Variants in PDK1 observed in about 807,000 individuals in gnomAD.
PDK1 encodes the protein [Pyruvate dehydrogenase (acetyl-transferring)] kinase isozyme 1, mitochondrial.
PDK1 carries 39 observed loss-of-function variants against 54.2 expected under a neutral mutation model. The ratio of observed to expected loss-of-function variants is 0.72; its 90% CI spans 0.56 to 0.94. The LOEUF is 0.94. Ranked by LOEUF, PDK1 falls within the 40% of genes least tolerant of loss-of-function variation. The pLI is 0.00. For missense variants in PDK1, 552 were observed against 566.0 expected (o/e 0.98, Z 0.25); for synonymous variants, 221 against 207.1 (o/e 1.07, Z -0.58).
At chr2:172,623,167 C>T in the PDK1 span, among the ~76,000 whole-genome samples, 78 of 151,724 alleles carry the variant, frequency 5.1e-4, no homozygotes, top group African/African-American at 1.7e-3. Context: ...AAGAATTTGT[C>T]TCAAAAACAA....
the PDK1 span, among the ~76,000 whole-genome samples, chr2:172,631,065 A>G: frequency 1.3e-5 from 2 of 152,238 alleles, no homozygotes; most frequent in African/African-American, 2.4e-5. Flanking sequence ...TCATCTTTAT[A>G]TATAGGTTGA....
chr2:172,695,943 T>C, the PDK1 span, among the ~76,000 whole-genome samples: 28,769 of 151,828 alleles, frequency 0.19, 3,315 homozygotes, highest in African/African-American at 0.32. Context: ...GAGGCTGAGA[T>C]GGGTGGATCA....
the PDK1 span, among the ~76,000 whole-genome samples, chr2:172,628,344 G>A: frequency 2.0e-5 from 3 of 152,126 alleles, no homozygotes; most frequent in South Asian, 2.1e-4. Context: ...TCACGGTGCC[G>A]GGCTAATAGA....
At chr2:172,650,749 G>A in the PDK1 span, among the ~76,000 whole-genome samples, 1 of 152,176 alleles carries the variant, frequency 6.6e-6, no homozygotes, top group Non-Finnish European at 1.5e-5. Context: ...ATTACATGAT[G>A]ATAAAGGGAT....
the PDK1 span, among the ~76,000 whole-genome samples, chr2:172,634,309 G>A: frequency 1.6e-4 from 7 of 44,724 alleles, no homozygotes; most frequent in African/African-American, 3.7e-4. Flanking sequence ...GTCTCGCTCT[G>A]TCGCCCAGGC....
At chr2:172,578,188 C>A (rs989177732) in intron 8 of PDK1, among the ~76,000 whole-genome samples, 4 of 152,200 alleles carry the variant, frequency 2.6e-5, no homozygotes, top group South Asian at 2.1e-4. Flanking sequence ...GAGAAATCAG[C>A]TGTTACAATC....
rs1022400282 is a variant in PDK1 at position 172,599,543 on chromosome 2, A to C, written c.*3574A>C. On this transcript the variant is annotated 3_prime_UTR_variant, in exon 11 of 11. Transcript: ENST00000282077. ...GAGGAACTTTTAATCATGTCTTATTAATTTCTGGTCCCAATAATTAATTTT... is the reference window on the plus strand; with the variant it reads ...GAGGAACTTTTAATCATGTCTTATTCATTTCTGGTCCCAATAATTAATTTT... 2.6e-5 allele frequency: 4 copies of C among 152,136 alleles called. No homozygotes were observed. Among genetic ancestry groups the C allele is most frequent in the African/African-American group, 9.7e-5 (4 of 41,442 alleles). 9.4% of individuals were successfully genotyped at this position (152,136 alleles called of 1,614,324 possible). A position where few individuals can be genotyped will look rare whatever the true frequency, so the allele number is the denominator to read the frequency against.
chr2:172,629,422 CAG>C, the PDK1 span, among the ~76,000 whole-genome samples: 6 of 152,168 alleles, frequency 3.9e-5, no homozygotes, highest in African/African-American at 1.4e-4. Flanking sequence ...AGCTGGACGT[CAG>C]AGAGAAGCAG....
the PDK1 span, among the ~76,000 whole-genome samples, chr2:172,662,006 G>C: frequency 2.0e-5 from 3 of 152,156 alleles, no homozygotes; most frequent in African/African-American, 7.2e-5. Context: ...TGTTAATGCA[G>C]ATTATACATG....
chr2:172,704,685 A>T, the PDK1 span, among the ~76,000 whole-genome samples: 1 of 152,184 alleles, frequency 6.6e-6, no homozygotes, highest in Non-Finnish European at 1.5e-5. Context: ...TTTAGCACGT[A>T]CCCACCTGAT....
chr2:172,690,863 G>C, the PDK1 span, among the ~76,000 whole-genome samples: 2 of 144,846 alleles, frequency 1.4e-5, no homozygotes, highest in African/African-American at 2.5e-5. Flanking sequence ...GGGGTGGGGA[G>C]CTGGGGGAGG....
chr2:172,678,350 G>T, the PDK1 span, among the ~76,000 whole-genome samples: 3 of 151,766 alleles, frequency 2.0e-5, no homozygotes, highest in Non-Finnish European at 4.4e-5. Context: ...CAAATTACAG[G>T]CATATTATTT....
At chr2:172,719,986 T>C in the PDK1 span, among the ~76,000 whole-genome samples, 1 of 152,214 alleles carries the variant, frequency 6.6e-6, no homozygotes, top group Non-Finnish European at 1.5e-5. Context: ...ACAATATATA[T>C]GATTGGAAAT....
At chr2:172,641,441 A>T in the PDK1 span, among the ~76,000 whole-genome samples, 237 of 119,552 alleles carry the variant, frequency 2.0e-3, no homozygotes, top group African/African-American at 6.8e-3. Flanking sequence ...TAACTTGTCC[A>T]TTTTTTTTTT....
intron 8 of PDK1, among the ~76,000 whole-genome samples, chr2:172,571,823 C>CGTTTTTTTTTTTTTTTTTTTTTTTTTT (rs765005051): frequency 9.0e-5 from 9 of 99,784 alleles, no homozygotes; most frequent in African/African-American, 1.2e-4. Flanking sequence ...TCTTTCTTTA[C>CGTTTTTTTTTTTTTTTTTTTTTTTTTT]TTTTTTTTTT....
rs1391970016 is a variant in PDK1, at chr2:172,607,878, C to G, written c.*11909C>G. 1 of 152,190 alleles carries G rather than the reference C, an allele frequency of 6.6e-6. No individual in the cohort carries two copies. The highest frequency in any genetic ancestry group is 1.5e-5 in the Non-Finnish European group (1 of 68,050). 9.4% of individuals were successfully genotyped at this position (152,190 alleles called of 1,614,324 possible). ...AGCAGTACACCATACTCAGTGTATA[C>G]TTACACTCCAAGACATTTCCTGGGC... is the stretch of plus-strand genomic sequence containing the variant. On this transcript the variant is annotated 3_prime_UTR_variant, in exon 11 of 11. Transcript: ENST00000282077.
chr2:172,563,980 A>G, intron 3 of PDK1: 1 of 470,842 alleles, frequency 2.1e-6, no homozygotes, highest in Non-Finnish European at 4.4e-6. Flanking sequence ...TTATAAACTC[A>G]TAGGATGAGT....
the PDK1 span, among the ~76,000 whole-genome samples, chr2:172,718,739 C>T: frequency 6.6e-6 from 1 of 152,154 alleles, no homozygotes; most frequent in Non-Finnish European, 1.5e-5. Context: ...CCATAAGCAT[C>T]ATCTTCTTGT....
rs574139601 is a variant in PDK1 at position 172,602,105 on chromosome 2, A to G, written c.*6136A>G. On this transcript the variant is annotated 3_prime_UTR_variant, in exon 11 of 11. Coordinates refer to ENST00000282077, the MANE Select transcript of PDK1 (RefSeq NM_002610.5). ...AAGAAACTGATAATTCCTGTCTTAT[A>G]GAAACTTTGAAATGAGAGAAAGCTA... 35 of 152,350 alleles carry G rather than the reference A, an allele frequency of 2.3e-4. No individual in the cohort carries two copies. The highest frequency in any genetic ancestry group is 8.2e-4 in the African/African-American group (34 of 41,590). 9.4% of individuals were successfully genotyped at this position (152,350 alleles called of 1,614,324 possible).
Sources: gnomAD v4.1 joint callset for allele counts (sites outside exome capture counted in the v4.1 genomes callset) on GRCh38, gnomAD v4.1.1 for gene constraint, MANE v1.5 for transcripts, NCBI Gene and HGNC (gene_info 2026-07-23, HGNC 2026-07-21) for gene names.